Variants in IRGQ observed in about 807,000 individuals in gnomAD.
IRGQ encodes immunity related GTPase Q, also known as immunity-related GTPase family Q protein.
Under a neutral mutation model 10.5 loss-of-function variants are expected in IRGQ, and 5 were observed. The observed-to-expected ratio is 0.48, with a 90% confidence interval of 0.25 to 1.00. The LOEUF (loss-of-function observed/expected upper bound fraction) is 1.00. Among genes scored for constraint, IRGQ ranks in the 50% least tolerant of loss-of-function variants. The pLI, the probability that IRGQ is intolerant of heterozygous loss-of-function variation, is 0.16. For synonymous variants in IRGQ, 418 were observed against 426.0 expected (o/e 0.98, Z 0.23); for missense variants, 792 against 877.7 (o/e 0.90, Z 1.23).
In IRGQ at chr19:43,586,700, G is replaced by T. The variant is rs930875526; in HGVS notation, c.*5326C>A. The T allele has an allele frequency of 6.6e-6, 1 of 152,210 alleles. No homozygotes were observed. Among genetic ancestry groups the T allele is most frequent in the African/African-American group, 2.4e-5 (1 of 41,440 alleles). 9.4% of individuals were successfully genotyped at this position (152,210 alleles called of 1,614,324 possible). On this transcript the variant is annotated 3_prime_UTR_variant, in exon 3 of 3. Coordinates refer to ENST00000422989, the MANE Select transcript of IRGQ (RefSeq NM_001007561.3). The stretch of plus-strand genomic sequence containing the variant: ...GCCATCTTGGTGCTGCCCAGGGGTG[G>T]GTGGCACTCATGTTTGAGCTCCATG...
rs759028385 is a variant in IRGQ at position 43,592,919 on chromosome 19, C to T, written c.979G>A (p.Val327Ile). 1 of 1,612,170 alleles carries T rather than the reference C, an allele frequency of 6.2e-7. No individual in the cohort carries two copies. Among genetic ancestry groups the T allele is most frequent in the Admixed American group, 1.7e-5 (1 of 60,030 alleles). Residue 327 changes from valine to isoleucine, a missense_variant, in exon 3 of 3, where the codon GTC (valine) becomes ATC (isoleucine). Val to Ile is a conservative substitution (Grantham distance 29). Coordinates refer to ENST00000422989, the MANE Select transcript of IRGQ (RefSeq NM_001007561.3). ...QALLLPDAPL[V>I]CVRTDGEGED... ...CCCTCGCCGTCTGTGCGCACGCAGA[C>T]AAGAGGCGCATCTGGTAGCAGCAAG...
rs1290951299 is a variant in IRGQ at position 43,592,747 on chromosome 19, TC to T, written c.1150del (p.Glu384LysfsTer17). The T allele has an allele frequency of 6.2e-6, 10 of 1,612,444 alleles. No homozygotes were observed. Among genetic ancestry groups the T allele is most frequent in the Non-Finnish European group, 8.5e-6 (10 of 1,179,956 alleles). Reference sequence around the variant, plus strand: ...CTCGCTGCCAGCTTTCCCAGGACCTTCCCCGCTGCCTGCTTTCTGCGATCCA... The same window carrying T: ...CTCGCTGCCAGCTTTCCCAGGACCTTCCCGCTGCCTGCTTTCTGCGATCCA... ...SAGSQKAGSG[E>X]GPGKAGSEGL... is the part of the protein sequence containing the mutation. On this transcript the variant is annotated frameshift_variant, in exon 3 of 3. Transcript: ENST00000422989. LOFTEE classifies it low-confidence loss of function (END_TRUNC).
chr19:43,591,825 G>T lies in IRGQ; in HGVS notation c.*201C>A. The T allele has an allele frequency of 2.0e-6, 1 of 504,578 alleles. No homozygotes were observed. The allele number at this position is 504,578 out of a possible 1,614,324, so 31.3% of individuals were successfully genotyped here. ...GTCGCGCCATTGCACTCCAGCCTGG[G>T]CAACAAGAGACTTCGTCTCACAAAA... On this transcript the variant is annotated 3_prime_UTR_variant, in exon 3 of 3. Coordinates refer to ENST00000422989, the MANE Select transcript of IRGQ (RefSeq NM_001007561.3).
Position 43,592,818 on chromosome 19 carries a change from C to T in IRGQ, c.1080G>A (p.Gly360=), listed in dbSNP as rs903275596. ...CCTTACTGAGTGCATTCTCCAATCCCCCTCCACCTGCGTTCTTTAAGCTCT... is the reference window on the plus strand; with the variant it reads ...CCTTACTGAGTGCATTCTCCAATCCTCCTCCACCTGCGTTCTTTAAGCTCT... ...KGESLKNAGG[G]GLENALSKGR... is the part of the protein sequence containing the mutation. The change falls in exon 3 of 3, where the codon GGG becomes GGA. Residue 360 remains glycine (G), a synonymous_variant. Coordinates refer to ENST00000422989, the MANE Select transcript of IRGQ (RefSeq NM_001007561.3). 5 of 1,614,098 alleles carry T rather than the reference C, an allele frequency of 3.1e-6. No individual in the cohort carries two copies. The highest frequency in any genetic ancestry group is 3.4e-6 in the Non-Finnish European group (4 of 1,180,042).
At position 43,587,997 on chromosome 19, in the gene IRGQ, T is replaced by A. The variant is rs1284676467; in HGVS notation, c.*4029A>T. ...AAAACATGTTAAAATGAATTTAACC[T>A]GTTTCCTTTTACTTGTCTAATGTGG... On this transcript the variant is annotated 3_prime_UTR_variant, in exon 3 of 3. Coordinates refer to ENST00000422989, the MANE Select transcript of IRGQ (RefSeq NM_001007561.3). 1 of 152,204 alleles carries A rather than the reference T, an allele frequency of 6.6e-6. No individual in the cohort carries two copies. Among genetic ancestry groups the A allele is most frequent in the Non-Finnish European group, 1.5e-5 (1 of 68,040 alleles). The allele number at this position is 152,204 out of a possible 1,614,324, so 9.4% of individuals were successfully genotyped here. A position where few individuals can be genotyped will look rare whatever the true frequency, so the allele number is the denominator to read the frequency against.
chr19:43,593,248 AG>A lies in IRGQ; in HGVS notation c.649del (p.Leu217TrpfsTer9). 3 of 1,597,652 alleles carry A rather than the reference AG, an allele frequency of 1.9e-6. No homozygotes were observed. The highest frequency in any genetic ancestry group is 2.6e-6 in the Non-Finnish European group (3 of 1,170,874). Reference protein sequence around the residue: ...EAALSWVRSGLERLGSARLDL... With the variant: ...EAALSWVRSGXERLGSARLDL... ...TAGCCGTGCGCTGCCCAGGCGCTCC[AG>A]GCCTGAGCGCACCCACGACAGCGCA... On this transcript the variant is annotated frameshift_variant, in exon 3 of 3. Coordinates refer to ENST00000422989, the MANE Select transcript of IRGQ (RefSeq NM_001007561.3). LOFTEE classifies it low-confidence loss of function (END_TRUNC). This position sits in a 1 kb window ranked among gnomAD's most constrained non-coding sequence, Gnocchi z 6.4.
At position 43,586,947 on chromosome 19, in the gene IRGQ, C is replaced by T. The variant is rs1346519724; in HGVS notation, c.*5079G>A. On this transcript the variant is annotated 3_prime_UTR_variant, in exon 3 of 3. Coordinates refer to ENST00000422989, the MANE Select transcript of IRGQ (RefSeq NM_001007561.3). ...TATTCTGTACCTTCCCTGTCCAATA[C>T]CATAGCCACTAATCACATGTGGCTA... 1.3e-5 allele frequency: 2 copies of T among 152,218 alleles called. No individual in the cohort carries two copies. Among genetic ancestry groups the T allele is most frequent in the African/African-American group, 2.4e-5 (1 of 41,458 alleles). The allele number at this position is 152,218 out of a possible 1,614,324, so 9.4% of individuals were successfully genotyped here.
Position 43,590,551 on chromosome 19 carries a change from C to G in IRGQ, c.*1475G>C, listed in dbSNP as rs1973043588. Reference sequence around the variant, plus strand: ...GCCTGACCACCCATTTGGTGGGCCCCTGGCTCAATGCAGCACCCTCTATGT... The same window carrying G: ...GCCTGACCACCCATTTGGTGGGCCCGTGGCTCAATGCAGCACCCTCTATGT... On this transcript the variant is annotated 3_prime_UTR_variant, in exon 3 of 3. Coordinates refer to ENST00000422989, the MANE Select transcript of IRGQ (RefSeq NM_001007561.3). 1 of 152,264 alleles carries G rather than the reference C, an allele frequency of 6.6e-6. No homozygotes were observed. Among genetic ancestry groups the G allele is most frequent in the Admixed American group, 6.6e-5 (1 of 15,266 alleles). The allele number at this position is 152,264 out of a possible 1,614,324, so 9.4% of individuals were successfully genotyped here. A position where few individuals can be genotyped will look rare whatever the true frequency, so the allele number is the denominator to read the frequency against.
chr19:43,588,330 GCT>G lies in IRGQ; in HGVS notation c.*3694_*3695del, dbSNP rs1358333889. ...GCCTGTAATCCCAGCTACTTGGGAG[GCT>G]GAGGTTGCAGTGAGCCAAGATCGCA... On this transcript the variant is annotated 3_prime_UTR_variant, in exon 3 of 3. Coordinates refer to ENST00000422989, the MANE Select transcript of IRGQ (RefSeq NM_001007561.3). 6.6e-6 allele frequency: 1 copy of G among 152,136 alleles called. No homozygotes were observed. Among genetic ancestry groups the G allele is most frequent in the Non-Finnish European group, 1.5e-5 (1 of 68,060 alleles). The allele number at this position is 152,136 out of a possible 1,614,324, so 9.4% of individuals were successfully genotyped here.
Position 43,593,312 on chromosome 19 carries a change from C to A in IRGQ, c.586G>T (p.Ala196Ser). Residue 196 changes from alanine to serine, a missense_variant, in exon 3 of 3, where the codon GCT becomes TCT. Physicochemically the swap from Ala to Ser is moderately conservative, Grantham distance 99. Coordinates refer to ENST00000422989, the MANE Select transcript of IRGQ (RefSeq NM_001007561.3). The surrounding 1 kb of genome is among the most constrained non-coding windows in gnomAD (Gnocchi z 6.4). Reference protein sequence around the residue: ...FEVLGAAELEAVREAFETGGL... With the variant: ...FEVLGAAELESVREAFETGGL... ...CCGGTCTCAAAGGCCTCACGCACAG[C>A]CTCTAGCTCTGCTGCACCCAACACC... The A allele has an allele frequency of 6.4e-7, 1 of 1,563,866 alleles. No homozygotes were observed. The highest frequency in any genetic ancestry group is 8.7e-7 in the Non-Finnish European group (1 of 1,155,710).
chr19:43,589,349 T>G lies in IRGQ; in HGVS notation c.*2677A>C, dbSNP rs909098600. 6.6e-6 allele frequency: 1 copy of G among 152,238 alleles called. No individual in the cohort carries two copies. The highest frequency in any genetic ancestry group is 1.5e-5 in the Non-Finnish European group (1 of 68,060). 9.4% of individuals were successfully genotyped at this position (152,238 alleles called of 1,614,324 possible). A position where few individuals can be genotyped will look rare whatever the true frequency, so the allele number is the denominator to read the frequency against. On this transcript the variant is annotated 3_prime_UTR_variant, in exon 3 of 3. Transcript: ENST00000422989. ...GGCTGGGTGTGGTGGCTCACACCTG[T>G]AATCCCATCAAGGCAGGAGGATCAC...
chr19:43,593,005 T>G lies in IRGQ; in HGVS notation c.893A>C (p.Asp298Ala), dbSNP rs908250704. 6.2e-7 allele frequency: 1 copy of G among 1,607,608 alleles called. No homozygotes were observed. The highest frequency in any genetic ancestry group is 8.5e-7 in the Non-Finnish European group (1 of 1,178,406). Reference protein sequence around the residue: ...AAAASHPTHYDALILVTPGAP... With the variant: ...AAAASHPTHYAALILVTPGAP... ...CCCAGGGGTGACGAGGATGAGGGCG[T>G]CGTAGTGCGTTGGGTGAGAGGCGGC... The change falls in exon 3 of 3, where the codon GAC (aspartate) becomes GCC (alanine). Residue 298 changes from aspartate to alanine, a missense_variant. Physicochemically the swap from Asp to Ala is moderately radical, Grantham distance 126. Transcript: ENST00000422989. The surrounding 1 kb of genome is among the most constrained non-coding windows in gnomAD (Gnocchi z 6.4).
chr19:43,595,043 G>C lies in IRGQ; in HGVS notation c.296C>G (p.Ala99Gly). 1 of 1,613,224 alleles carries C rather than the reference G, an allele frequency of 6.2e-7. No individual in the cohort carries two copies. The highest frequency in any genetic ancestry group is 8.5e-7 in the Non-Finnish European group (1 of 1,179,764). ...GEPLAPALGE[A>G]ALAALARGTP... is the part of the protein sequence containing the mutation. Reference sequence around the variant, plus strand: ...CCCTCGGGCCAGGGCGGCCAGCGCTGCCTCTCCCAGGGCTGGAGCCAACGG... The same window carrying C: ...CCCTCGGGCCAGGGCGGCCAGCGCTCCCTCTCCCAGGGCTGGAGCCAACGG... The change falls in exon 2 of 3, where the codon GCA becomes GGA. Residue 99 changes from alanine (A) to glycine (G), a missense_variant. Ala to Gly is a moderately conservative substitution (Grantham distance 60). Coordinates refer to ENST00000422989, the MANE Select transcript of IRGQ (RefSeq NM_001007561.3).
chr19:43,589,919 G>A lies in IRGQ; in HGVS notation c.*2107C>T. 6.6e-6 allele frequency: 1 copy of A among 152,310 alleles called. No individual in the cohort carries two copies. The highest frequency in any genetic ancestry group is 2.1e-4 in the South Asian group (1 of 4,816). 9.4% of individuals were successfully genotyped at this position (152,310 alleles called of 1,614,324 possible). A position where few individuals can be genotyped will look rare whatever the true frequency, so the allele number is the denominator to read the frequency against. ...GTAGAGCCTTGAAGGAAAGAGAACA[G>A]CAGGTGCATGGGTCCCCAGGCAGGA... is the stretch of plus-strand genomic sequence containing the variant. On this transcript the variant is annotated 3_prime_UTR_variant, in exon 3 of 3. Coordinates refer to ENST00000422989, the MANE Select transcript of IRGQ (RefSeq NM_001007561.3).
Position 43,591,384 on chromosome 19 carries a change from C to T in IRGQ, c.*642G>A, listed in dbSNP as rs1973052219. The stretch of plus-strand genomic sequence containing the variant: ...TCAGGTCCCAGTCATGGACACCTCC[C>T]CACCAATTAGGAAACAGGACTTCTA... On this transcript the variant is annotated 3_prime_UTR_variant, in exon 3 of 3. Coordinates refer to ENST00000422989, the MANE Select transcript of IRGQ (RefSeq NM_001007561.3). 6.6e-6 allele frequency: 1 copy of T among 152,286 alleles called. No homozygotes were observed. Among genetic ancestry groups the T allele is most frequent in the South Asian group, 2.1e-4 (1 of 4,834 alleles). The allele number at this position is 152,286 out of a possible 1,614,324, so 9.4% of individuals were successfully genotyped here.
In IRGQ at chr19:43,593,671, G is replaced by A. The variant is rs115375557; in HGVS notation, c.531-304C>T. 6.6e-3 allele frequency among the ~76,000 whole-genome samples: 1,005 copies of A among 152,304 alleles called. 6 individuals carry two copies. Among genetic ancestry groups the A allele is most frequent in the African/African-American group, 0.023 (964 of 41,554 alleles). ...CTTCCATGGAATACAGTATTTGGGG[G>A]CGGGGTTTTTCCAAGGGTCGGCTGT... On this transcript the variant is annotated intron_variant, in intron 2 of 2. Transcript: ENST00000422989. The surrounding 1 kb of genome is among the most constrained non-coding windows in gnomAD (Gnocchi z 6.4).
rs777691676 is a variant in IRGQ at position 43,594,957 on chromosome 19, G to C, written c.382C>G (p.Arg128Gly). 18 of 1,613,902 alleles carry C rather than the reference G, an allele frequency of 1.1e-5. No individual in the cohort carries two copies. The highest frequency in any genetic ancestry group is 1.3e-5 in the African/African-American group (1 of 74,940). ...TTCAGCAGAGCTGCTGTCTGATCAC[G>C]GGCCTGGGCGGCAGTCTGTGAATCC... ...PGDSQTAAQA[R>G]DQTAALLNSA... is the part of the protein sequence containing the mutation. The change falls in exon 2 of 3, where the codon CGT becomes GGT. Residue 128 changes from arginine to glycine, a missense_variant. By Grantham distance (125) the Arg-to-Gly change is moderately radical. Transcript: ENST00000422989.
rs779146194 is a variant in IRGQ at position 43,592,903 on chromosome 19, T to C, written c.995A>G (p.Asp332Gly). The change falls in exon 3 of 3, where the codon GAC (aspartate) becomes GGC (glycine). Residue 332 changes from aspartate (D) to glycine (G), a missense_variant. Transcript: ENST00000422989. ...PDAPLVCVRT[D>G]GEGEDPECLG... ...ACACTCCGGATCCTCGCCCTCGCCG[T>C]CTGTGCGCACGCAGACAAGAGGCGC... The C allele has an allele frequency of 6.8e-6, 11 of 1,612,798 alleles. No individual in the cohort carries two copies. The highest frequency in any genetic ancestry group is 4.2e-6 in the Non-Finnish European group (5 of 1,180,030).
In IRGQ at chr19:43,584,627, C is replaced by A. The variant is rs144037218; in HGVS notation, c.*7399G>T. On this transcript the variant is annotated 3_prime_UTR_variant, in exon 3 of 3. Transcript: ENST00000422989. ...CACTCCAAAATTTAGTGGTTTAGAA[C>A]AATCACCTATTTAGTTAATGATTCT... is the stretch of plus-strand genomic sequence containing the variant. 35 of 152,300 alleles carry A rather than the reference C, an allele frequency of 2.3e-4. No individual in the cohort carries two copies. Among genetic ancestry groups the A allele is most frequent in the African/African-American group, 7.9e-4 (33 of 41,560 alleles). 9.4% of individuals were successfully genotyped at this position (152,300 alleles called of 1,614,324 possible).
Sources: allele counts gnomAD v4.1 joint callset (sites outside exome capture counted in the v4.1 genomes callset), GRCh38; gene constraint gnomAD v4.1.1; non-coding constraint Gnocchi (gnomAD v3.1); transcripts MANE v1.5; gene names NCBI Gene and HGNC (gene_info 2026-07-23, HGNC 2026-07-21).